The following RASGRF2 variants were observed in gnomAD, a reference collection of about 807,000 sequenced individuals.
RASGRF2 encodes Ras protein specific guanine nucleotide releasing factor 2, also known as ras-specific guanine nucleotide-releasing factor 2.
In RASGRF2, 76 loss-of-function variants were observed where a neutral mutation model predicts 151.0. The ratio of observed to expected loss-of-function variants is 0.50; its 90% confidence interval spans 0.42 to 0.61. RASGRF2 has a LOEUF of 0.61. Ranked by LOEUF, RASGRF2 falls within the 20% of genes least tolerant of loss-of-function variation. The pLI, the probability that RASGRF2 is intolerant of heterozygous loss-of-function variation, is 0.00. For missense variants in RASGRF2, 1,148 were observed against 1,564.6 expected, an observed-to-expected ratio of 0.73 and a Z score of 4.49; for synonymous variants, 504 against 566.5, an observed-to-expected ratio of 0.89 and a Z score of 1.57.
chr5:81,048,479 C>T (rs957440185), intron 2 of RASGRF2, among the ~76,000 whole-genome samples: 2 of 152,136 alleles, frequency 1.3e-5, no homozygotes, highest in African/African-American at 2.4e-5. Flanking sequence ...AGGGAAAAGT[C>T]GGGCTTGAAT....
At chr5:81,022,606 G>A (rs914911743) in intron 1 of RASGRF2, among the ~76,000 whole-genome samples, 1 of 152,168 alleles carries the variant, frequency 6.6e-6, no homozygotes, top group Non-Finnish European at 1.5e-5. Context: ...GGGAGAAGCT[G>A]TACCACGTGT....
At chr5:80,981,514 C>T (rs559498240) in intron 1 of RASGRF2, among the ~76,000 whole-genome samples, 1 of 151,108 alleles carries the variant, frequency 6.6e-6, no homozygotes, top group Admixed American at 6.6e-5. Flanking sequence ...TGTGTGAGTA[C>T]GTGTGTGTGT....
intron 23 of RASGRF2, among the ~76,000 whole-genome samples, chr5:81,214,668 G>A (rs1239779308): frequency 1.3e-5 from 2 of 152,226 alleles, no homozygotes; most frequent in Non-Finnish European, 2.9e-5. Context: ...CTCCAGGTGA[G>A]ACAAAGTAGT....
chr5:81,154,785 T>A (rs541577511), intron 17 of RASGRF2, among the ~76,000 whole-genome samples: 3 of 152,352 alleles, frequency 2.0e-5, no homozygotes, highest in Non-Finnish European at 2.9e-5. Flanking sequence ...ATTTCCTTTG[T>A]GTATATATAC....
chr5:80,994,380 A>AC (rs1748762635), intron 1 of RASGRF2, among the ~76,000 whole-genome samples: 1 of 151,010 alleles, frequency 6.6e-6, no homozygotes, highest in African/African-American at 2.4e-5. Flanking sequence ...AAAAAAAAAA[A>AC]AAAGAGGTAG....
At chr5:81,051,540 A>G (rs776923374) in intron 2 of RASGRF2, among the ~76,000 whole-genome samples, 3 of 152,102 alleles carry the variant, frequency 2.0e-5, no homozygotes, top group African/African-American at 7.2e-5. Flanking sequence ...GTGTTTATGG[A>G]TTTGCTCATT....
intron 12 of RASGRF2, among the ~76,000 whole-genome samples, chr5:81,107,124 C>T (rs969421695): frequency 1.4e-5 from 2 of 145,430 alleles, no homozygotes; most frequent in Non-Finnish European, 3.0e-5. Context: ...ATTTTGGAGG[C>T]GAAGATGGGA....
chr5:81,012,789 A>C lies in RASGRF2; in HGVS notation c.289-30088A>C, dbSNP rs534902959. Among the ~76,000 whole-genome samples, 153 of 152,160 alleles carry C rather than the reference A, an allele frequency of 1.0e-3. 1 individual carries two copies. Among genetic ancestry groups the C allele is most frequent in the African/African-American group, 3.1e-3 (129 of 41,538 alleles). ...GATCCTGTACAAGCAGAGGAGGCAC[A>C]AGGAAAAAGCCCAAGCTTGGGTTAT... On this transcript the variant is annotated intron_variant, in intron 1 of 26. Transcript: ENST00000265080.
At chr5:81,110,696 G>T (rs1752969631) in intron 13 of RASGRF2, among the ~76,000 whole-genome samples, 1 of 152,078 alleles carries the variant, frequency 6.6e-6, no homozygotes. Context: ...GAGATTTTTT[G>T]GTGGAAAATG....
intron 2 of RASGRF2, among the ~76,000 whole-genome samples, chr5:81,056,602 C>T (rs1233936545): frequency 1.3e-5 from 2 of 152,130 alleles, no homozygotes; most frequent in East Asian, 1.9e-4. Context: ...AATGTATATT[C>T]TGTTGATTTG....
At chr5:81,182,107 T>C (rs1754928791) in intron 18 of RASGRF2, among the ~76,000 whole-genome samples, 1 of 152,160 alleles carries the variant, frequency 6.6e-6, no homozygotes, top group Non-Finnish European at 1.5e-5. Context: ...TGACTGCAGC[T>C]GTGCTTATAC....
intron 17 of RASGRF2, among the ~76,000 whole-genome samples, chr5:81,149,964 C>G (rs1375737109): frequency 1.3e-5 from 2 of 152,112 alleles, no homozygotes; most frequent in Non-Finnish European, 2.9e-5. Flanking sequence ...TTAGGAAGCT[C>G]CATGCCCTTG....
rs1183738947 is a variant in RASGRF2, at chr5:81,009,134, C to A, written c.289-33743C>A. On this transcript the variant is annotated intron_variant, in intron 1 of 26. Transcript: ENST00000265080. ...GGGTGATTGTCCTGCCTCTTTCAGCCTGTTTCCTCATCTGTAAAAGGGGAA... is the reference window on the plus strand; with the variant it reads ...GGGTGATTGTCCTGCCTCTTTCAGCATGTTTCCTCATCTGTAAAAGGGGAA... 2.0e-5 allele frequency among the ~76,000 whole-genome samples: 3 copies of A among 152,186 alleles called. No individual in the cohort carries two copies. In the East Asian group the frequency reaches 5.8e-4, roughly 29 times the overall value.
intron 4 of RASGRF2, among the ~76,000 whole-genome samples, chr5:81,072,173 T>C (rs976241075): frequency 6.6e-6 from 1 of 152,232 alleles, no homozygotes; most frequent in African/African-American, 2.4e-5. Flanking sequence ...TTTGTTTACC[T>C]TGATAGACTA....
chr5:81,031,761 C>T (rs560905343), intron 1 of RASGRF2, among the ~76,000 whole-genome samples: 6 of 152,234 alleles, frequency 3.9e-5, no homozygotes, highest in African/African-American at 1.4e-4. Context: ...AGAGCAAACA[C>T]ATTGAAAAGC....
At chr5:81,194,354 C>A (rs1253589101) in intron 18 of RASGRF2, among the ~76,000 whole-genome samples, 1 of 151,046 alleles carries the variant, frequency 6.6e-6, no homozygotes, top group Non-Finnish European at 1.5e-5. Context: ...GAGACTCTGT[C>A]TCAAAAAAAA....
chr5:81,032,810 G>A (rs1444311233), intron 1 of RASGRF2, among the ~76,000 whole-genome samples: 11 of 152,136 alleles, frequency 7.2e-5, no homozygotes, highest in Non-Finnish European at 8.8e-5. Context: ...AATCAGGCAG[G>A]AGAAAGAAAT....
At chr5:81,100,553 A>G (rs989716207) in intron 12 of RASGRF2, among the ~76,000 whole-genome samples, 8 of 152,162 alleles carry the variant, frequency 5.3e-5, no homozygotes, top group African/African-American at 1.9e-4. Context: ...TTTTTCATCT[A>G]TTTATAGGGA....
At chr5:81,082,590 G>A (rs1230243506) in intron 7 of RASGRF2, among the ~76,000 whole-genome samples, 4 of 152,294 alleles carry the variant, frequency 2.6e-5, no homozygotes, top group Admixed American at 2.6e-4. Context: ...GCTCTCTGAT[G>A]TGGTGATCCT....
Sources: allele counts gnomAD v4.1 joint callset (sites outside exome capture counted in the v4.1 genomes callset), GRCh38; gene constraint gnomAD v4.1.1; transcripts MANE v1.5; gene names NCBI Gene and HGNC (gene_info 2026-07-23, HGNC 2026-07-21).